OR9Q1: variants seen among roughly 807,000 people sequenced by gnomAD.
The protein encoded by OR9Q1 is olfactory receptor 9Q1.
For missense variants in OR9Q1, 374 were observed against 378.8 expected, an observed-to-expected ratio of 0.99 and a Z score of 0.11; for synonymous variants, 153 against 148.6, an observed-to-expected ratio of 1.03 and a Z score of -0.22.
chr11:58,058,462 A>G (rs1422509080), intron 2 of OR9Q1, among the ~76,000 whole-genome samples: 2 of 152,194 alleles, frequency 1.3e-5, no homozygotes, highest in African/African-American at 4.8e-5. Context: ...GGAAGTCCTT[A>G]AAGGCAGGTA....
chr11:58,100,667 A>C (rs148886912), intron 2 of OR9Q1, among the ~76,000 whole-genome samples: 1 of 151,938 alleles, frequency 6.6e-6, no homozygotes, highest in Non-Finnish European at 1.5e-5. Flanking sequence ...GTTTGTGTCT[A>C]CTGAAACTAT....
intron 2 of OR9Q1, among the ~76,000 whole-genome samples, chr11:58,147,919 G>A (rs1449769931): frequency 6.6e-6 from 1 of 152,050 alleles, no homozygotes; most frequent in Non-Finnish European, 1.5e-5. Context: ...AATTCAGTCA[G>A]GAATTCTGGC....
intron 2 of OR9Q1, among the ~76,000 whole-genome samples, chr11:58,089,217 TCC>T (rs1853661783): frequency 1.3e-5 from 2 of 151,834 alleles, no homozygotes; most frequent in Admixed American, 6.6e-5. Flanking sequence ...TGAAGTCTTT[TCC>T]CATGCCTATG....
At chr11:58,098,491 C>T (rs1423792280) in intron 2 of OR9Q1, among the ~76,000 whole-genome samples, 4 of 151,938 alleles carry the variant, frequency 2.6e-5, no homozygotes, top group Non-Finnish European at 4.4e-5. Context: ...TTTCAAGGGA[C>T]AAAAATTAAC....
chr11:58,059,494 G>A (rs927329763), intron 2 of OR9Q1, among the ~76,000 whole-genome samples: 19 of 151,746 alleles, frequency 1.3e-4, no homozygotes, highest in African/African-American at 4.4e-4. Context: ...TCAGGAGTTC[G>A]AGACCAGCCT....
intron 2 of OR9Q1, chr11:58,119,268 C>T (rs1853998969): frequency 8.1e-6 from 13 of 1,613,842 alleles, no homozygotes; most frequent in South Asian, 4.4e-5. Flanking sequence ...GGAAGAAGTA[C>T]ATTGGGGTGT....
At chr11:58,157,222 G>A (rs1014202681) in intron 2 of OR9Q1, among the ~76,000 whole-genome samples, 2 of 152,020 alleles carry the variant, frequency 1.3e-5, no homozygotes, top group Admixed American at 6.6e-5. Flanking sequence ...TCTTTGCACC[G>A]TCTACTCACT....
chr11:58,129,236 C>CGTGTGTGTGTGT (rs59902083), intron 2 of OR9Q1, among the ~76,000 whole-genome samples: 83 of 144,858 alleles, frequency 5.7e-4, no homozygotes, highest in African/African-American at 1.9e-3. Context: ...CAGAGCAATT[C>CGTGTGTGTGTGT]GTGTGTGTGT....
chr11:58,055,693 A>T (rs1853320289), intron 1 of OR9Q1, among the ~76,000 whole-genome samples, 177 bp from the exon 2 acceptor site: 1 of 151,354 alleles, frequency 6.6e-6, no homozygotes, highest in Non-Finnish European at 1.5e-5. Flanking sequence ...CCAGCTACTC[A>T]GGAGGCTGAG....
chr11:58,150,815 C>A (rs930241051), intron 2 of OR9Q1, among the ~76,000 whole-genome samples: 2 of 152,284 alleles, frequency 1.3e-5, no homozygotes, highest in African/African-American at 4.8e-5. Context: ...CTTCTACTCA[C>A]AGAAAGCAAG....
intron 2 of OR9Q1, among the ~76,000 whole-genome samples, chr11:58,116,086 A>T (rs1442851939): frequency 1.3e-5 from 2 of 152,186 alleles, no homozygotes; most frequent in East Asian, 1.9e-4. Context: ...AAGCCCGAGG[A>T]TAGGCAGCCC....
intron 2 of OR9Q1, among the ~76,000 whole-genome samples, chr11:58,165,651 G>T (rs554305191): frequency 1.1e-4 from 16 of 152,230 alleles, no homozygotes; most frequent in Non-Finnish European, 1.9e-4. Flanking sequence ...GCTGTTTCCT[G>T]CACTTCCAGT....
At chr11:58,110,240 C>T (rs1853886245) in intron 2 of OR9Q1, among the ~76,000 whole-genome samples, 1 of 152,178 alleles carries the variant, frequency 6.6e-6, no homozygotes, top group African/African-American at 2.4e-5. Flanking sequence ...ATGCTTGGCT[C>T]TGTGTGTTGG....
chr11:58,080,697 T>A (rs1456325136), intron 2 of OR9Q1, among the ~76,000 whole-genome samples: 1 of 152,208 alleles, frequency 6.6e-6, no homozygotes, highest in Non-Finnish European at 1.5e-5. Flanking sequence ...TGGTGTGTGA[T>A]GGTATCACAT....
intron 2 of OR9Q1, among the ~76,000 whole-genome samples, chr11:58,134,825 C>G (rs1489001812): frequency 6.6e-6 from 1 of 152,148 alleles, no homozygotes; most frequent in African/African-American, 2.4e-5. Flanking sequence ...AGCCATATGA[C>G]ACTTGGACAT....
At chr11:58,059,307 G>C (rs1019956005) in intron 2 of OR9Q1, among the ~76,000 whole-genome samples, 5 of 152,034 alleles carry the variant, frequency 3.3e-5, no homozygotes, top group Non-Finnish European at 7.4e-5. Context: ...AGGCTCAAGT[G>C]AATTAAAAGC....
intron 2 of OR9Q1, among the ~76,000 whole-genome samples, chr11:58,166,578 T>A (rs1854507435): frequency 6.6e-6 from 1 of 152,198 alleles, no homozygotes; most frequent in Admixed American, 6.5e-5. Context: ...AATAGACATC[T>A]TTGAATGTGA....
At chr11:58,070,680 A>G (rs572172208) in intron 2 of OR9Q1, among the ~76,000 whole-genome samples, 23 of 152,190 alleles carry the variant, frequency 1.5e-4, no homozygotes, top group Non-Finnish European at 2.8e-4. Context: ...AGTAGAGCAC[A>G]TGAGTCATCT....
intron 2 of OR9Q1, among the ~76,000 whole-genome samples, chr11:58,141,769 A>T (rs1854252200): frequency 5.9e-5 from 9 of 152,118 alleles, no homozygotes; most frequent in Admixed American, 5.9e-4. Flanking sequence ...GTTTGGAACA[A>T]ACTCTGTCTT....
Sources: allele counts gnomAD v4.1 joint callset (sites outside exome capture counted in the v4.1 genomes callset), GRCh38; gene constraint gnomAD v4.1.1; transcripts MANE v1.5; gene names NCBI Gene and HGNC (gene_info 2026-07-23, HGNC 2026-07-21).